The following TRPC4AP variants were observed in gnomAD, a reference collection of about 807,000 sequenced individuals.
The protein encoded by TRPC4AP is short transient receptor potential channel 4-associated protein.
A neutral mutation model predicts 99.0 loss-of-function variants in TRPC4AP; 45 were observed. That is an observed-to-expected ratio of 0.45 (90% CI 0.36 to 0.58). The LOEUF is 0.58. TRPC4AP is among the 20% of genes least tolerant of loss of function. The pLI is 0.00. For synonymous variants in TRPC4AP, 408 were observed against 385.8 expected (o/e 1.06, Z -0.67); for missense variants, 879 against 985.3 (o/e 0.89, Z 1.44).
At position 35,005,811 on chromosome 20, in the gene TRPC4AP, G is replaced by A. The variant is rs1279061904; in HGVS notation, c.1828-8C>T. ...CTTCAGGAATACCTGGAACTATACAGAAACCAAGCTCACAGCAGGCAGTGG... is the reference window on the plus strand; with the variant it reads ...CTTCAGGAATACCTGGAACTATACAAAAACCAAGCTCACAGCAGGCAGTGG... On this transcript the variant is annotated splice_region_variant and splice_polypyrimidine_tract_variant and intron_variant, in intron 15 of 18. Transcript: ENST00000252015. The A allele has an allele frequency of 6.2e-7, 1 of 1,613,780 alleles. No homozygotes were observed. Among genetic ancestry groups the A allele is most frequent in the African/African-American group, 1.3e-5 (1 of 75,064 alleles).
chr20:35,009,982 G>T (rs2082596269), intron 12 of TRPC4AP, among the ~76,000 whole-genome samples: 2 of 152,224 alleles, frequency 1.3e-5, no homozygotes, highest in African/African-American at 2.4e-5. Flanking sequence ...TACTGATGGG[G>T]CTCCCCTCCT....
chr20:35,014,926 C>G (rs1235145874), intron 10 of TRPC4AP, among the ~76,000 whole-genome samples: 1 of 152,232 alleles, frequency 6.6e-6, no homozygotes, highest in African/African-American at 2.4e-5. Context: ...TTCCAATGTC[C>G]TGTTCAGAGC....
rs1478138929 is a variant in TRPC4AP at position 35,092,750 on chromosome 20, C to G, written c.32G>C (p.Gly11Ala). MAAAPVAAGSGAGRGRRSAAT... is the reference protein window; with the variant it reads MAAAPVAAGSAAGRGRRSAAT... ...TGCCGACCGTCTCCCTCGGCCGGCT[C>G]CAGACCCAGCCGCTACCGGCGCCGC... Residue 11 changes from glycine to alanine, a missense_variant, in exon 1 of 19, where the codon GGA (glycine) becomes GCA (alanine). Around this residue, in one of 3 missense-constraint regions of TRPC4AP, gnomAD observed 603 missense variants for 631.8 expected, o/e 0.95. Coordinates refer to ENST00000252015, the MANE Select transcript of TRPC4AP (RefSeq NM_015638.3). The G allele has an allele frequency of 5.2e-6, 8 of 1,548,506 alleles. No homozygotes were observed. The highest frequency in any genetic ancestry group is 6.9e-6 in the Non-Finnish European group (8 of 1,159,532).
At chr20:35,042,591 C>T (rs2083467041) in intron 7 of TRPC4AP, among the ~76,000 whole-genome samples, 1 of 152,058 alleles carries the variant, frequency 6.6e-6, no homozygotes, top group Non-Finnish European at 1.5e-5. Context: ...TTTGGTGTAC[C>T]ATAAGGTACA....
At chr20:35,085,714 A>T (rs971491968) in intron 1 of TRPC4AP, among the ~76,000 whole-genome samples, 19 of 152,208 alleles carry the variant, frequency 1.2e-4, no homozygotes, top group Non-Finnish European at 2.5e-4. Context: ...AATTACTGGC[A>T]GGTATCACAT....
Position 35,049,848 on chromosome 20 carries a change from C to A in TRPC4AP, c.657+18G>T. 1 of 1,608,244 alleles carries A rather than the reference C, an allele frequency of 6.2e-7. No homozygotes were observed. Among genetic ancestry groups the A allele is most frequent in the Non-Finnish European group, 8.5e-7 (1 of 1,176,582 alleles). ...GAGACACCCTTCCCCATCTGGTCAG[C>A]TAGAGGACACAGCTCACCTTTTTAA... On this transcript the variant is annotated intron_variant, in intron 6 of 18. Coordinates refer to ENST00000252015, the MANE Select transcript of TRPC4AP (RefSeq NM_015638.3).
intron 9 of TRPC4AP, among the ~76,000 whole-genome samples, chr20:35,019,661 C>T (rs6088677): frequency 0.78 from 118,044 of 152,110 alleles, 46,184 homozygotes; most frequent in African/African-American, 0.84. Context: ...CACATATAAG[C>T]AACTGCGAAA....
intron 2 of TRPC4AP, among the ~76,000 whole-genome samples, chr20:35,076,739 T>C (rs6087671): frequency 0.77 from 117,436 of 152,156 alleles, 45,676 homozygotes; most frequent in Middle Eastern, 0.83. Context: ...GCAGTCTGTC[T>C]GTTCTCAGAT....
At chr20:35,006,849 G>C (rs1034832783) in intron 14 of TRPC4AP, among the ~76,000 whole-genome samples, 1 of 152,254 alleles carries the variant, frequency 6.6e-6, no homozygotes, top group Non-Finnish European at 1.5e-5. Flanking sequence ...TGGTCACCAA[G>C]ATGGCCGGGG....
Position 35,016,001 on chromosome 20 carries a change from T to C in TRPC4AP, c.1350+7A>G. ...GCCCCATCTGTCCCCGGGGGTCTCC[T>C]GCTTACCGGGCTACAGTCACAGTTC... On this transcript the variant is annotated splice_region_variant and intron_variant, in intron 10 of 18. Coordinates refer to ENST00000252015, the MANE Select transcript of TRPC4AP (RefSeq NM_015638.3). 6.2e-7 allele frequency: 1 copy of C among 1,614,048 alleles called. No individual in the cohort carries two copies. Among genetic ancestry groups the C allele is most frequent in the South Asian group, 1.1e-5 (1 of 91,094 alleles).
intron 8 of TRPC4AP, chr20:35,030,433 TCTAA>T (rs1158910280): frequency 6.6e-6 from 1 of 152,184 alleles, no homozygotes; most frequent in African/African-American, 2.4e-5. Flanking sequence ...TCGGATTTAT[TCTAA>T]CTTAGAGCTC....
chr20:35,048,499 A>G (rs1238158742), intron 6 of TRPC4AP, among the ~76,000 whole-genome samples: 1 of 152,184 alleles, frequency 6.6e-6, no homozygotes, highest in African/African-American at 2.4e-5. Context: ...AATTACAGGC[A>G]TGAGCCACCG....
chr20:35,050,944 C>A (rs898836081), intron 5 of TRPC4AP, among the ~76,000 whole-genome samples: 3 of 151,544 alleles, frequency 2.0e-5, no homozygotes, highest in Non-Finnish European at 2.9e-5. Flanking sequence ...CCGCAGTGAG[C>A]TACAATCTGT....
rs1555904985 is a variant in TRPC4AP, at chr20:35,024,825, C to CCAAAAA, written c.1052-3470_1052-3469insTTTTTG. Among the ~76,000 whole-genome samples, 180 of 35,796 alleles carry CCAAAAA rather than the reference C, an allele frequency of 5.0e-3. 28 individuals carry two copies. Among genetic ancestry groups the CCAAAAA allele is most frequent in the East Asian group, 0.011 (11 of 1,044 alleles). 23.5% of individuals were successfully genotyped at this position (35,796 alleles called of 152,430 possible). ...CCTAGGTGACAGAGAGAGACCGTCT[C>CCAAAAA]AAAAAAAAAAAAAAAAAAAAAAAAA... On this transcript the variant is annotated intron_variant, in intron 8 of 18. Transcript: ENST00000252015.
At chr20:35,073,008 G>C (rs1031976292) in intron 2 of TRPC4AP, among the ~76,000 whole-genome samples, 1 of 152,144 alleles carries the variant, frequency 6.6e-6, no homozygotes, top group Non-Finnish European at 1.5e-5. Flanking sequence ...CATCCCTTGT[G>C]AGTTGGATTC....
intron 3 of TRPC4AP, among the ~76,000 whole-genome samples, chr20:35,068,978 C>CACACA (rs748790693): frequency 4.2e-5 from 4 of 95,212 alleles, no homozygotes; most frequent in Admixed American, 1.3e-4. Context: ...CACACACACA[C>CACACA]AAAAAAAACA....
chr20:35,052,555 G>A (rs567485523), intron 5 of TRPC4AP, among the ~76,000 whole-genome samples: 101 of 152,154 alleles, frequency 6.6e-4, no homozygotes, highest in African/African-American at 2.0e-3. Flanking sequence ...GAGTGCAGTG[G>A]TGCAATCTCA....
At position 35,006,305 on chromosome 20, in the gene TRPC4AP, T is replaced by C. The variant is rs972603830; in HGVS notation, c.1827+130A>G. 13 of 1,092,154 alleles carry C rather than the reference T, an allele frequency of 1.2e-5. No homozygotes were observed. In the African/African-American group the frequency reaches 1.9e-4, roughly 16 times the overall value. The allele number at this position is 1,092,154 out of a possible 1,614,324, so 67.7% of individuals were successfully genotyped here. ...AGACAGAGCAGGTTCCAATGAATGTTTGCCAAAGACTGCCCAGACTCCCCC... is the reference window on the plus strand; with the variant it reads ...AGACAGAGCAGGTTCCAATGAATGTCTGCCAAAGACTGCCCAGACTCCCCC... On this transcript the variant is annotated intron_variant, in intron 15 of 18. Transcript: ENST00000252015.
chr20:35,011,791 A>G (rs1031562429), intron 11 of TRPC4AP, among the ~76,000 whole-genome samples: 1 of 152,186 alleles, frequency 6.6e-6, no homozygotes, highest in Non-Finnish European at 1.5e-5. Context: ...ATTCACTACA[A>G]GCTGACACTT....
Sources: allele counts gnomAD v4.1 joint callset (sites outside exome capture counted in the v4.1 genomes callset), GRCh38; gene constraint gnomAD v4.1.1; regional missense constraint gnomAD v4.1.1; transcripts MANE v1.5; gene names NCBI Gene and HGNC (gene_info 2026-07-23, HGNC 2026-07-21).